The following ADGRG2 variants were observed in gnomAD, a reference collection of about 807,000 sequenced individuals.
ADGRG2 encodes the protein G protein-coupled receptor 64.
Under a neutral mutation model 74.1 loss-of-function variants are expected in ADGRG2, and 26 were observed. The ratio of observed to expected loss-of-function variants is 0.35; its 90% confidence interval spans 0.26 to 0.49. The LOEUF is 0.49. ADGRG2 is among the 20% of genes least tolerant of loss of function. The probability of loss-of-function intolerance (pLI) is 0.99; values close to 1 mark genes in which losing one functional copy is unlikely to be tolerated. For synonymous variants in ADGRG2, 296 were observed against 295.2 expected (o/e 1.00, Z -0.03); for missense variants, 619 against 763.1 (o/e 0.81, Z 2.22).
In ADGRG2 at chrX:19,035,950, T is replaced by C; in HGVS notation, c.254A>G (p.Asn85Ser). Residue 85 changes from asparagine to serine, a missense_variant, in exon 7 of 29, where the codon AAC (asparagine) becomes AGC (serine). Around this residue, in one of 3 missense-constraint regions of ADGRG2, gnomAD observed 292 missense variants for 318.0 expected, o/e 0.92. Transcript: ENST00000379869. Reference sequence around the variant, plus strand: ...AAATCACTTGATATTACCTGTTTCGTTTGAAGGGAGTAAGCTTAAAGTAAC... The same window carrying C: ...AAATCACTTGATATTACCTGTTTCGCTTGAAGGGAGTAAGCTTAAAGTAAC... The part of the protein sequence containing the change: ...NDVTLSLLPS[N>S]ETEKTKITIV... 2 of 990,133 alleles carry C rather than the reference T, an allele frequency of 2.0e-6. No individual in the cohort carries two copies. Among genetic ancestry groups the C allele is most frequent in the South Asian group, 2.1e-5 (1 of 48,575 alleles). The allele number at this position is 990,133 out of a possible 1,213,427, so 81.6% of individuals were successfully genotyped here.
intron 3 of ADGRG2, among the ~76,000 whole-genome samples, chrX:19,058,677 A>G (rs1027931602): frequency 7.1e-5 from 8 of 112,297 alleles, no homozygotes; most frequent in African/African-American, 2.6e-4. Context: ...AAAGTAACAA[A>G]AGGGTATAGG....
intron 3 of ADGRG2, among the ~76,000 whole-genome samples, chrX:19,052,190 T>C (rs1417859703): frequency 2.7e-5 from 3 of 111,995 alleles, no homozygotes; most frequent in Non-Finnish European, 1.9e-5. Context: ...TGAGAGCCCA[T>C]ACCTCTTTCA....
At chrX:19,114,310 G>A (rs1445251000) in intron 1 of ADGRG2, among the ~76,000 whole-genome samples, 1 of 110,038 alleles carries the variant, frequency 9.1e-6, no homozygotes, top group Non-Finnish European at 1.9e-5. Context: ...ATCTAGGAGG[G>A]GCAGAGGAAA....
intron 1 of ADGRG2, among the ~76,000 whole-genome samples, chrX:19,090,405 C>T (rs2061999044): frequency 9.0e-6 from 1 of 111,723 alleles, no homozygotes; most frequent in Admixed American, 9.5e-5. Context: ...AGCCAGATGC[C>T]CAAGGGTTAA....
rs182034686 is a variant in ADGRG2, at chrX:19,074,064, T to C, written c.-1-5229A>G. On this transcript the variant is annotated intron_variant, in intron 2 of 28. Coordinates refer to ENST00000379869, the MANE Select transcript of ADGRG2 (RefSeq NM_001079858.3). Reference sequence around the variant, plus strand: ...AATCAGGAAACTGGTAAGAAAAGCATAATTAAATTTCTATTTGAACACTGC... The same window carrying C: ...AATCAGGAAACTGGTAAGAAAAGCACAATTAAATTTCTATTTGAACACTGC... Among the ~76,000 whole-genome samples the C allele has an allele frequency of 5.9e-3, 652 of 110,674 alleles. 5 individuals carry two copies. Among genetic ancestry groups the C allele is most frequent in the Non-Finnish European group, 6.0e-3 (317 of 52,891 alleles).
At chrX:19,117,748 C>T (rs1019874635) in intron 1 of ADGRG2, among the ~76,000 whole-genome samples, 3 of 110,712 alleles carry the variant, frequency 2.7e-5, no homozygotes, top group African/African-American at 9.9e-5. Flanking sequence ...ACCCAGGAGG[C>T]GGAGGTTGCA....
chrX:18,995,903 TA>T, intron 27 of ADGRG2, 147 bp downstream of exon 27: 2 of 390,462 alleles, frequency 5.1e-6, no homozygotes, highest in Non-Finnish European at 9.3e-6. Flanking sequence ...TTTTTCTCCC[TA>T]ATGTTCACGA....
intron 11 of ADGRG2, among the ~76,000 whole-genome samples, chrX:19,024,387 G>A (rs181028202): frequency 9.0e-6 from 1 of 111,109 alleles, no homozygotes. Context: ...CCTCTCCAAC[G>A]CTGCCTTCCC....
At chrX:19,050,203 G>A (rs1466046228) in intron 3 of ADGRG2, among the ~76,000 whole-genome samples, 1 of 111,548 alleles carries the variant, frequency 9.0e-6, no homozygotes, top group African/African-American at 3.3e-5. Flanking sequence ...CAAGTCCAAA[G>A]AGACCTCTGA....
At chrX:19,064,145 T>C (rs2061528917) in intron 3 of ADGRG2, among the ~76,000 whole-genome samples, 1 of 111,597 alleles carries the variant, frequency 9.0e-6, no homozygotes, top group African/African-American at 3.3e-5. Flanking sequence ...ACATAGATGA[T>C]CCTCAGGGAG....
At chrX:19,023,973 C>A in intron 11 of ADGRG2, 25 bp from the exon 12 acceptor site, 1 of 1,097,646 alleles carries the variant, frequency 9.1e-7, no homozygotes, top group Non-Finnish European at 1.3e-6. Flanking sequence ...GAGAAATTGA[C>A]ATTAAGGAGA....
chrX:19,098,460 G>A (rs2062134401), intron 1 of ADGRG2, among the ~76,000 whole-genome samples: 1 of 111,186 alleles, frequency 9.0e-6, no homozygotes, highest in Non-Finnish European at 1.9e-5. Context: ...TTTTTACTGG[G>A]TTTTTCTGTA....
chrX:19,089,212 A>G (rs1014612450), intron 1 of ADGRG2, among the ~76,000 whole-genome samples: 4 of 111,244 alleles, frequency 3.6e-5, no homozygotes. Flanking sequence ...ATCTCTGCCA[A>G]CTTTGCCAGC....
chrX:19,122,066 G>C (rs1468776394), intron 1 of ADGRG2, among the ~76,000 whole-genome samples: 1 of 112,392 alleles, frequency 8.9e-6, no homozygotes, highest in African/African-American at 3.2e-5. Context: ...GCTCCCGGGA[G>C]TTGGCGTCTA....
rs112800639 is a variant in ADGRG2, at chrX:19,104,456, A to G, written c.-47+17986T>C. Among the ~76,000 whole-genome samples the G allele has an allele frequency of 1.6e-3, 179 of 112,048 alleles. 1 individual carries two copies. The highest frequency in any genetic ancestry group is 5.5e-3 in the African/African-American group (169 of 30,970). On this transcript the variant is annotated intron_variant, in intron 1 of 28. Coordinates refer to ENST00000379869, the MANE Select transcript of ADGRG2 (RefSeq NM_001079858.3). ...TCCATTATCAGGCTTATTTCCAGCC[A>G]TCTGACTGTTTGGTGTCACGCAGAC...
chrX:19,035,273 AT>A (rs1407594551), intron 7 of ADGRG2: 2 of 112,490 alleles, frequency 1.8e-5, no homozygotes, highest in Non-Finnish European at 3.8e-5. Context: ...TTAGAATGCA[AT>A]CCTTGCATAC....
rs183787463 is a variant in ADGRG2 at position 19,022,945 on chromosome X, C to T, written c.548+471G>A. On this transcript the variant is annotated intron_variant, in intron 13 of 28. Transcript: ENST00000379869. ...CCCCTGACTTCAAGTGATCTGCCCA[C>T]CTCAGCCTCCCAAAGTGTTGGGATT... 3.4e-4 allele frequency among the ~76,000 whole-genome samples: 38 copies of T among 112,691 alleles called. No individual in the cohort carries two copies. In the East Asian group the frequency reaches 9.7e-3, roughly 29 times the overall value.
At chrX:18,992,028 G>C (rs750768465) in intron 28 of ADGRG2, among the ~76,000 whole-genome samples, 1 of 111,684 alleles carries the variant, frequency 9.0e-6, no homozygotes, top group African/African-American at 3.3e-5. Flanking sequence ...GTGTGATGTT[G>C]CTTCCAAACT....
At chrX:19,084,250 C>T (rs754017074) in intron 1 of ADGRG2, among the ~76,000 whole-genome samples, 2 of 108,231 alleles carry the variant, frequency 1.8e-5, no homozygotes, top group Non-Finnish European at 3.8e-5. Flanking sequence ...GAAGGTGACA[C>T]ACTTATAAGT....
Sources: gnomAD v4.1 joint callset for allele counts (sites outside exome capture counted in the v4.1 genomes callset) on GRCh38, gnomAD v4.1.1 for gene constraint, gnomAD v4.1.1 regional missense constraint, MANE v1.5 for transcripts, NCBI Gene and HGNC (gene_info 2026-07-23, HGNC 2026-07-21) for gene names.